The following SPAG17 variants were observed in gnomAD, a reference collection of about 807,000 sequenced individuals.
SPAG17 encodes the protein sperm associated antigen 17, also known as sperm-associated antigen 17.
Under a neutral mutation model 273.6 loss-of-function variants are expected in SPAG17, and 169 were observed. That is an observed-to-expected ratio of 0.62 (90% CI 0.55 to 0.70). The LOEUF (loss-of-function observed/expected upper bound fraction) is 0.70, where lower values mean the gene tolerates loss of function less well. Among genes scored for constraint, SPAG17 ranks in the 30% least tolerant of loss-of-function variants. SPAG17 has a pLI of 0.00. For synonymous variants in SPAG17, 825 were observed against 873.2 expected (o/e 0.94, Z 0.97); for missense variants, 2,557 against 2,627.8 (o/e 0.97, Z 0.59).
chr1:117,967,484 C>T (rs904548090), intron 46 of SPAG17, among the ~76,000 whole-genome samples: 24 of 151,828 alleles, frequency 1.6e-4, no homozygotes, highest in Admixed American at 2.0e-4. Context: ...AAAAAAAAAT[C>T]GCAAAAAAAT....
At position 118,086,543 on chromosome 1, in the gene SPAG17, A is replaced by G. The variant is rs1388698446; in HGVS notation, c.1611+128T>C. The G allele has an allele frequency of 3.7e-6, 3 of 805,778 alleles. No individual in the cohort carries two copies. The African/African-American group carries it at 5.2e-5, about 14-fold the overall frequency. 49.9% of individuals were successfully genotyped at this position (805,778 alleles called of 1,614,324 possible). ...TTTTCCAGGTCCTACTTTGTATGCA[A>G]GTATCTATTTTGTACATTACATTTT... is the stretch of plus-strand genomic sequence containing the variant. On this transcript the variant is annotated intron_variant, in intron 12 of 48. Transcript: ENST00000336338.
chr1:117,996,111 A>G (rs979585026), intron 34 of SPAG17, among the ~76,000 whole-genome samples: 2 of 152,168 alleles, frequency 1.3e-5, no homozygotes, highest in African/African-American at 4.8e-5. Context: ...AAATCTGCGT[A>G]TAGGAGAAGA....
rs1439237774 is a variant in SPAG17 at position 118,092,164 on chromosome 1, G to T, written c.1174-162C>A. On this transcript the variant is annotated intron_variant, in intron 8 of 48. Coordinates refer to ENST00000336338, the MANE Select transcript of SPAG17 (RefSeq NM_206996.4). ...ATTAGAACCAAAGGAAAAGAGTTTT[G>T]CTTGATGAAGGAAAGAAGGTAATGG... Among the ~76,000 whole-genome samples the T allele has an allele frequency of 2.0e-5, 3 of 152,180 alleles. No individual in the cohort carries two copies. In the East Asian group the frequency reaches 5.8e-4, roughly 29 times the overall value.
chr1:118,001,930 G>A (rs1207708812), intron 32 of SPAG17, among the ~76,000 whole-genome samples: 1 of 152,082 alleles, frequency 6.6e-6, no homozygotes, highest in Non-Finnish European at 1.5e-5. Flanking sequence ...GCTGATTTTA[G>A]ATATTTCCTG....
chr1:117,966,895 A>T, intron 46 of SPAG17, 142 bp from the exon 47 acceptor site: 1 of 611,680 alleles, frequency 1.6e-6, no homozygotes, highest in South Asian at 3.0e-5. Context: ...AATGGTAGTT[A>T]TTATAAGCAT....
chr1:117,975,803 T>C (rs763182748), intron 43 of SPAG17, among the ~76,000 whole-genome samples: 2 of 152,204 alleles, frequency 1.3e-5, no homozygotes, highest in Non-Finnish European at 2.9e-5. Context: ...AGTAGTTTGG[T>C]ATAGTTTTTG....
intron 43 of SPAG17, among the ~76,000 whole-genome samples, chr1:117,977,075 C>T (rs570925124): frequency 9.2e-5 from 14 of 151,602 alleles, no homozygotes; most frequent in African/African-American, 2.7e-4. Context: ...TTTGGGAGGC[C>T]GAGGTGGGCA....
chr1:118,091,973 T>C lies in SPAG17; in HGVS notation c.1203A>G (p.Gly401=). ...GTTCTTCATACTGTGCTTTCTTCTT[T>C]CCAGGAGCTGGTACAGCAGGTTGTG... ...EAPQPAVPAP[G]KKKAQYEEPQ... Residue 401 remains glycine, a synonymous_variant, in exon 9 of 49, where the codon GGA becomes GGG. Coordinates refer to ENST00000336338, the MANE Select transcript of SPAG17 (RefSeq NM_206996.4). The C allele has an allele frequency of 6.2e-7, 1 of 1,613,594 alleles. No individual in the cohort carries two copies. The highest frequency in any genetic ancestry group is 1.1e-5 in the South Asian group (1 of 91,076).
intron 1 of SPAG17, among the ~76,000 whole-genome samples, chr1:118,169,244 C>T (rs1660309959): frequency 6.6e-6 from 1 of 152,058 alleles, no homozygotes; most frequent in African/African-American, 2.4e-5. Context: ...ACAGTTTTGT[C>T]CAAAAAGTGG....
intron 43 of SPAG17, among the ~76,000 whole-genome samples, chr1:117,979,350 C>G (rs537180034): frequency 6.6e-6 from 1 of 152,260 alleles, no homozygotes; most frequent in African/African-American, 2.4e-5. Flanking sequence ...AAGAATCATC[C>G]TTGATTCCTC....
At chr1:117,959,606 C>A in intron 48 of SPAG17, 1 of 699,078 alleles carries the variant, frequency 1.4e-6, no homozygotes, top group Non-Finnish European at 2.1e-6. Flanking sequence ...TGAGGGAATT[C>A]CAACATGAGA....
intron 4 of SPAG17, among the ~76,000 whole-genome samples, chr1:118,103,156 C>T (rs762890567): frequency 7.2e-5 from 11 of 151,968 alleles, no homozygotes; most frequent in South Asian, 6.2e-4. Context: ...GAGCTAGGGG[C>T]GAAGAAGAAA....
Position 117,953,800 on chromosome 1 carries a change from C to G in SPAG17, c.*250G>C, listed in dbSNP as rs1651766782. 8.3e-6 allele frequency: 5 copies of G among 602,532 alleles called. No homozygotes were observed. Among genetic ancestry groups the G allele is most frequent in the Non-Finnish European group, 1.4e-5 (5 of 345,540 alleles). The allele number at this position is 602,532 out of a possible 1,614,324, so 37.3% of individuals were successfully genotyped here. On this transcript the variant is annotated 3_prime_UTR_variant, in exon 49 of 49. Coordinates refer to ENST00000336338, the MANE Select transcript of SPAG17 (RefSeq NM_206996.4). ...TGTCTAGATATCATCCCACCTGAGT[C>G]CATGACACTCAGTCTCTTCCCTGTA...
chr1:118,161,632 G>A (rs942419526), intron 1 of SPAG17, among the ~76,000 whole-genome samples: 1 of 152,096 alleles, frequency 6.6e-6, no homozygotes, highest in African/African-American at 2.4e-5. Context: ...CCGCCTCCCG[G>A]GTTTACGCCA....
intron 30 of SPAG17, among the ~76,000 whole-genome samples, chr1:118,011,388 G>A (rs1383310607): frequency 1.3e-5 from 2 of 152,168 alleles, no homozygotes; most frequent in Non-Finnish European, 2.9e-5. Flanking sequence ...ATACTATGCA[G>A]CCATAAAAAC....
At chr1:118,134,893 C>G (rs1353871646) in intron 3 of SPAG17, among the ~76,000 whole-genome samples, 1 of 152,182 alleles carries the variant, frequency 6.6e-6, no homozygotes. Flanking sequence ...AGCTTTCAAG[C>G]CATTTTCCTA....
rs1484069406 is a variant in SPAG17, at chr1:117,957,189, C to T, written c.*1-3140G>A. On this transcript the variant is annotated intron_variant, in intron 48 of 48. Transcript: ENST00000336338. ...ACTTATATGCCGGTGCCTCTTCTTC[C>T]TCCTTAGGTAACATCCTTTTCCAAA... The T allele has an allele frequency of 4.3e-6, 7 of 1,610,878 alleles. No individual in the cohort carries two copies. The African/African-American group carries it at 6.7e-5, about 15-fold the overall frequency.
rs73014072 is a variant in SPAG17 at position 117,989,673 on chromosome 1, G to A, written c.5521+1188C>T. 2.3e-3 allele frequency among the ~76,000 whole-genome samples: 343 copies of A among 152,170 alleles called. 3 individuals are homozygous for A. Among genetic ancestry groups the A allele is most frequent in the African/African-American group, 7.9e-3 (327 of 41,530 alleles). On this transcript the variant is annotated intron_variant, in intron 38 of 48. Transcript: ENST00000336338. ...TCATTGCAACCATCACCTACCAGGC[G>A]AAAGCTATCCTCCCACCTCAGTCTC...
chr1:118,142,293 T>G (rs1461506270), intron 3 of SPAG17, among the ~76,000 whole-genome samples: 2 of 152,038 alleles, frequency 1.3e-5, no homozygotes, highest in Non-Finnish European at 2.9e-5. Context: ...AAACAGAAAA[T>G]CGAACAGTGG....
Sources: gnomAD v4.1 joint callset for allele counts (sites outside exome capture counted in the v4.1 genomes callset) on GRCh38, gnomAD v4.1.1 for gene constraint, MANE v1.5 for transcripts, NCBI Gene and HGNC (gene_info 2026-07-23, HGNC 2026-07-21) for gene names.